Variants in NKAIN3 observed in about 807,000 individuals in gnomAD.
The protein encoded by NKAIN3 is sodium/potassium-transporting ATPase subunit beta-1-interacting protein 3.
In NKAIN3, 25 loss-of-function variants were observed where a neutral mutation model predicts 30.2. The ratio of observed to expected loss-of-function variants is 0.83; its 90% CI spans 0.60 to 1.16. The LOEUF is 1.16. Among genes scored for constraint, NKAIN3 ranks in the 50% most tolerant of loss-of-function variants. The pLI is 0.00. For missense variants in NKAIN3, 225 were observed against 254.1 expected (o/e 0.89, Z 0.78); for synonymous variants, 91 against 89.6 (o/e 1.02, Z -0.09).
intron 1 of NKAIN3, among the ~76,000 whole-genome samples, chr8:62,378,844 A>G (rs1817179623): frequency 6.6e-6 from 1 of 152,146 alleles, no homozygotes; most frequent in Non-Finnish European, 1.5e-5. Flanking sequence ...CAGAGCCCCC[A>G]CACAAAGTCC....
intron 1 of NKAIN3, among the ~76,000 whole-genome samples, chr8:62,310,574 A>T (rs577425245): frequency 2.7e-5 from 4 of 150,356 alleles, no homozygotes; most frequent in Non-Finnish European, 5.9e-5. Context: ...TTTCTTTTTA[A>T]TATTATTCAT....
intron 1 of NKAIN3, among the ~76,000 whole-genome samples, chr8:62,526,324 C>A (rs1431709835): frequency 6.6e-6 from 1 of 152,048 alleles, no homozygotes; most frequent in Non-Finnish European, 1.5e-5. Context: ...AGACATTAAT[C>A]AGTACCTTCT....
At chr8:62,416,972 C>G (rs959706884) in intron 1 of NKAIN3, among the ~76,000 whole-genome samples, 1 of 151,664 alleles carries the variant, frequency 6.6e-6, no homozygotes, top group Non-Finnish European at 1.5e-5. Flanking sequence ...GTCTGGGTGA[C>G]AGAGCGAAAC....
intron 4 of NKAIN3, among the ~76,000 whole-genome samples, chr8:62,776,967 TG>T (rs1817210637): frequency 6.6e-6 from 1 of 152,202 alleles, no homozygotes; most frequent in African/African-American, 2.4e-5. Flanking sequence ...ATATTTTCAC[TG>T]GATATACTCT....
intron 1 of NKAIN3, chr8:62,344,863 T>G: frequency 2.3e-6 from 1 of 440,978 alleles, no homozygotes; most frequent in Non-Finnish European, 4.5e-6. Flanking sequence ...GGTATTTTGA[T>G]AGGGATTGCA....
intron 1 of NKAIN3, chr8:62,344,893 T>C (rs972125884): frequency 4.8e-6 from 2 of 418,162 alleles, no homozygotes; most frequent in Admixed American, 5.3e-5. Flanking sequence ...TAGATAACTT[T>C]GAGTAGCTTG....
intron 3 of NKAIN3, among the ~76,000 whole-genome samples, chr8:62,626,328 T>G (rs1811785883): frequency 6.6e-6 from 1 of 152,082 alleles, no homozygotes; most frequent in Admixed American, 6.6e-5. Context: ...CATGCTGGAC[T>G]CAGTAAGTGC....
chr8:62,260,930 A>G (rs543180409), intron 1 of NKAIN3, among the ~76,000 whole-genome samples: 3 of 152,308 alleles, frequency 2.0e-5, no homozygotes, highest in South Asian at 2.1e-4. Flanking sequence ...GAAATTCTGT[A>G]TAACAGAGGA....
rs147999654 is a variant in NKAIN3 at position 62,344,553 on chromosome 8, C to T, written c.54+95426C>T. Among the ~76,000 whole-genome samples, 250 of 152,192 alleles carry T rather than the reference C, an allele frequency of 1.6e-3. 2 individuals are homozygous for T. The East Asian group carries it at 0.023, about 14-fold the overall frequency. ...AATGGTACATTATATTTTCTCTCCT[C>T]ACTACAATAGTGTATGTAGAAAAGC... is the stretch of plus-strand genomic sequence containing the variant. On this transcript the variant is annotated intron_variant, in intron 1 of 6. Coordinates refer to ENST00000623646, the MANE Select transcript of NKAIN3 (RefSeq NM_001304533.3).
chr8:62,357,464 T>C (rs1816397157), intron 1 of NKAIN3, among the ~76,000 whole-genome samples: 2 of 152,156 alleles, frequency 1.3e-5, no homozygotes, highest in African/African-American at 4.8e-5. Context: ...AGAAATTCTG[T>C]GTAATCGAAA....
chr8:62,445,926 A>G (rs1805473799), intron 1 of NKAIN3, among the ~76,000 whole-genome samples: 1 of 152,180 alleles, frequency 6.6e-6, no homozygotes, highest in Admixed American at 6.5e-5. Context: ...TAAGCACGAA[A>G]CTCATAGATT....
In NKAIN3 at chr8:62,549,580, A is replaced by G. The variant is rs1309520667; in HGVS notation, c.55-29959A>G. ...ATAGTCTGCCTAGAAATTTGACAAC[A>G]GGAGTCCTTGTAGGAATAGTTTGGC... On this transcript the variant is annotated intron_variant, in intron 1 of 6. Coordinates refer to ENST00000623646, the MANE Select transcript of NKAIN3 (RefSeq NM_001304533.3). Among the ~76,000 whole-genome samples the G allele has an allele frequency of 9.2e-5, 14 of 152,256 alleles. No individual in the cohort carries two copies. The South Asian group carries it at 2.7e-3, about 29-fold the overall frequency.
At chr8:62,826,694 T>A (rs1456225300) in intron 4 of NKAIN3, among the ~76,000 whole-genome samples, 1 of 152,170 alleles carries the variant, frequency 6.6e-6, no homozygotes, top group Non-Finnish European at 1.5e-5. Flanking sequence ...GCTGTTTGGG[T>A]AGGGAGAAGA....
chr8:62,362,561 C>A (rs747899946), intron 1 of NKAIN3, among the ~76,000 whole-genome samples: 2 of 152,034 alleles, frequency 1.3e-5, no homozygotes, highest in African/African-American at 2.4e-5. Flanking sequence ...ACTGCAGAAC[C>A]CAAGAGAAAC....
At chr8:62,493,248 C>T (rs1217482027) in intron 1 of NKAIN3, among the ~76,000 whole-genome samples, 1 of 152,072 alleles carries the variant, frequency 6.6e-6, no homozygotes, top group East Asian at 1.9e-4. Context: ...ACATGGCTAG[C>T]CAGTTATCCC....
chr8:62,418,503 T>C (rs1451843), intron 1 of NKAIN3, among the ~76,000 whole-genome samples: 16,604 of 152,134 alleles, frequency 0.11, 1,338 homozygotes, highest in African/African-American at 0.22. Flanking sequence ...CCCATGGCTG[T>C]AGCTGGTCCT....
At chr8:62,506,450 T>A (rs1175094377) in intron 1 of NKAIN3, among the ~76,000 whole-genome samples, 1 of 145,146 alleles carries the variant, frequency 6.9e-6, no homozygotes, top group Admixed American at 7.0e-5. Flanking sequence ...TTTTTATTTT[T>A]TCTGCTTTTT....
chr8:62,545,699 A>T (rs1808983014), intron 1 of NKAIN3, among the ~76,000 whole-genome samples: 1 of 152,234 alleles, frequency 6.6e-6, no homozygotes, highest in African/African-American at 2.4e-5. Flanking sequence ...TCCAATTGAC[A>T]GACACTTGTC....
intron 4 of NKAIN3, among the ~76,000 whole-genome samples, chr8:62,827,191 C>G (rs966199331): frequency 6.6e-6 from 1 of 152,100 alleles, no homozygotes; most frequent in Admixed American, 6.6e-5. Flanking sequence ...AGAATTGTAC[C>G]CATGCTATAA....
Sources: allele counts gnomAD v4.1 joint callset (sites outside exome capture counted in the v4.1 genomes callset), GRCh38; gene constraint gnomAD v4.1.1; transcripts MANE v1.5; gene names NCBI Gene and HGNC (gene_info 2026-07-23, HGNC 2026-07-21).